The following PDSS2 variants were observed in gnomAD, a reference collection of about 807,000 sequenced individuals.
PDSS2 encodes the protein decaprenyl diphosphate synthase subunit 2.
A neutral mutation model predicts 44.5 loss-of-function variants in PDSS2; 31 were observed. The ratio of observed to expected loss-of-function variants is 0.70; its 90% CI spans 0.52 to 0.94. PDSS2 has a LOEUF of 0.94. PDSS2 is among the 40% of genes least tolerant of loss of function. The pLI, the probability that PDSS2 is intolerant of heterozygous loss-of-function variation, is 0.00. For missense variants in PDSS2, 452 were observed against 482.2 expected, an observed-to-expected ratio of 0.94 and a Z score of 0.59; for synonymous variants, 157 against 180.3, an observed-to-expected ratio of 0.87 and a Z score of 1.03.
intron 3 of PDSS2, among the ~76,000 whole-genome samples, chr6:107,255,338 G>GGGTAGCTGGGA (rs1774976216): frequency 6.6e-6 from 1 of 151,420 alleles, no homozygotes; most frequent in Non-Finnish European, 1.5e-5. Flanking sequence ...GATTACAGGC[G>GGGTAGCTGGGA]TCTGCTACCA....
At chr6:107,320,030 A>C (rs917957512) in intron 2 of PDSS2, among the ~76,000 whole-genome samples, 51 of 152,242 alleles carry the variant, frequency 3.3e-4, no homozygotes, top group Non-Finnish European at 7.3e-5. Flanking sequence ...AGAGGAGTTA[A>C]GTAATTTAAC....
chr6:107,362,308 G>A lies in PDSS2; in HGVS notation c.297-27976C>T, dbSNP rs551973849. On this transcript the variant is annotated intron_variant, in intron 1 of 7. Transcript: ENST00000369037. Reference sequence around the variant, plus strand: ...GCAGCCTGAAGTTTGAATGTGCTCCGAAGCTCACACACAGATCCATCAGGA... The same window carrying A: ...GCAGCCTGAAGTTTGAATGTGCTCCAAAGCTCACACACAGATCCATCAGGA... Among the ~76,000 whole-genome samples the A allele has an allele frequency of 1.5e-3, 223 of 152,248 alleles. 1 individual carries two copies. Among genetic ancestry groups the A allele is most frequent in the Non-Finnish European group, 2.4e-3 (164 of 68,004 alleles).
chr6:107,208,294 T>C (rs1489656716), intron 6 of PDSS2, among the ~76,000 whole-genome samples: 27 of 121,622 alleles, frequency 2.2e-4, no homozygotes, highest in Non-Finnish European at 3.8e-4. Context: ...CCTTTTTTTT[T>C]TTTTTTTTTT....
At chr6:107,430,273 G>A (rs1296120637) in intron 1 of PDSS2, among the ~76,000 whole-genome samples, 1 of 152,084 alleles carries the variant, frequency 6.6e-6, no homozygotes, top group Non-Finnish European at 1.5e-5. Flanking sequence ...GCCAAGGTGG[G>A]TGGACCACTC....
In PDSS2 at chr6:107,201,390, CAAAAAAAA is replaced by C. The variant is rs747612959; in HGVS notation, c.1009-7544_1009-7537del. On this transcript the variant is annotated intron_variant, in intron 6 of 7. Transcript: ENST00000369037. ...TGTAAAACAATATTCCATACAAAAG[CAAAAAAAA>C]AAAAAAAAAAAAAAAAGCCAGCACT... Among the ~76,000 whole-genome samples the C allele has an allele frequency of 1.3e-4, 7 of 52,158 alleles. No individual in the cohort carries two copies. In the East Asian group the frequency reaches 2.3e-3, roughly 17 times the overall value. The allele number at this position is 52,158 out of a possible 152,430, so 34.2% of individuals were successfully genotyped here.
intron 2 of PDSS2, among the ~76,000 whole-genome samples, chr6:107,319,261 C>G (rs1343703977): frequency 6.6e-6 from 1 of 152,080 alleles, no homozygotes; most frequent in Non-Finnish European, 1.5e-5. Flanking sequence ...AAAGTTTCCC[C>G]TACTCCCCAC....
At chr6:107,396,136 G>A (rs186893182) in intron 1 of PDSS2, among the ~76,000 whole-genome samples, 29 of 152,248 alleles carry the variant, frequency 1.9e-4, no homozygotes, top group Non-Finnish European at 2.1e-4. Context: ...CTTTTTCTAA[G>A]AAGTTGTTTT....
intron 1 of PDSS2, among the ~76,000 whole-genome samples, chr6:107,402,805 G>A (rs1463027972): frequency 6.6e-6 from 1 of 151,890 alleles, no homozygotes; most frequent in East Asian, 1.9e-4. Context: ...CACGAGAATA[G>A]CATGAAGGTA....
rs1026492110 is a variant in PDSS2, at chr6:107,297,514, C to T, written c.432-23287G>A. On this transcript the variant is annotated intron_variant, in intron 2 of 7. Coordinates refer to ENST00000369037, the MANE Select transcript of PDSS2 (RefSeq NM_020381.4). ...TCTCCTGCCTCAGCCTCCCGAGTAG[C>T]TGGGGTTACAGGCGTCCGTCACCAT... 2.6e-5 allele frequency among the ~76,000 whole-genome samples: 4 copies of T among 151,736 alleles called. No individual in the cohort carries two copies. In the South Asian group the frequency reaches 8.3e-4, roughly 32 times the overall value.
intron 1 of PDSS2, among the ~76,000 whole-genome samples, chr6:107,340,585 T>C (rs1339773224): frequency 6.6e-6 from 1 of 152,204 alleles, no homozygotes; most frequent in Non-Finnish European, 1.5e-5. Flanking sequence ...AATAGTAGAT[T>C]CAAAGTATGG....
chr6:107,261,443 T>C (rs1211916591), intron 3 of PDSS2, among the ~76,000 whole-genome samples: 11 of 152,220 alleles, frequency 7.2e-5, no homozygotes, highest in Non-Finnish European at 2.9e-5. Context: ...TCTGCCATGA[T>C]TGTAAGCTTC....
At chr6:107,381,441 A>G (rs7775235) in intron 1 of PDSS2, among the ~76,000 whole-genome samples, 48,993 of 152,116 alleles carry the variant, frequency 0.32, 8,499 homozygotes, top group East Asian at 0.59. Flanking sequence ...TTTAAACCTC[A>G]TTCATAGCTA....
intron 2 of PDSS2, among the ~76,000 whole-genome samples, chr6:107,328,990 C>T (rs978421692): frequency 1.3e-5 from 2 of 152,210 alleles, no homozygotes; most frequent in African/African-American, 4.8e-5. Flanking sequence ...TGGGCAACAG[C>T]TCCAACCCCT....
intron 7 of PDSS2, among the ~76,000 whole-genome samples, chr6:107,169,236 A>G (rs1197618849): frequency 3.3e-5 from 5 of 151,882 alleles, no homozygotes; most frequent in South Asian, 2.1e-4. Context: ...TTGATCTTCA[A>G]TCACTTGATA....
chr6:107,211,082 G>A (rs926747474), intron 5 of PDSS2, among the ~76,000 whole-genome samples: 1 of 151,802 alleles, frequency 6.6e-6, no homozygotes, highest in African/African-American at 2.4e-5. Context: ...TCTAGTGGGT[G>A]GTGGTCTTTA....
intron 2 of PDSS2, among the ~76,000 whole-genome samples, chr6:107,305,179 T>C (rs933840970): frequency 5.3e-5 from 8 of 152,098 alleles, no homozygotes; most frequent in Admixed American, 4.6e-4. Context: ...AAATACTTTT[T>C]TTTTCATATT....
intron 7 of PDSS2, among the ~76,000 whole-genome samples, chr6:107,156,185 C>T (rs139000986): frequency 6.8e-6 from 1 of 146,886 alleles, no homozygotes; most frequent in Non-Finnish European, 1.5e-5. Flanking sequence ...CCACTGTGCC[C>T]GGCCTGAATG....
intron 2 of PDSS2, among the ~76,000 whole-genome samples, chr6:107,317,718 T>C (rs927665752): frequency 6.6e-6 from 1 of 152,212 alleles, no homozygotes; most frequent in East Asian, 1.9e-4. Context: ...AACAATAACA[T>C]GCAGATCACC....
chr6:107,255,083 C>T (rs1007649560), intron 3 of PDSS2, among the ~76,000 whole-genome samples: 1 of 151,900 alleles, frequency 6.6e-6, no homozygotes, highest in Non-Finnish European at 1.5e-5. Context: ...GTTGGCCAGG[C>T]TGGTCTCGAA....
Sources: allele counts gnomAD v4.1 joint callset (sites outside exome capture counted in the v4.1 genomes callset), GRCh38; gene constraint gnomAD v4.1.1; transcripts MANE v1.5; gene names NCBI Gene and HGNC (gene_info 2026-07-23, HGNC 2026-07-21).